Variants in TMPRSS15 observed in about 807,000 individuals in gnomAD.
TMPRSS15 encodes enteropeptidase.
In TMPRSS15, 128 loss-of-function variants were observed where a neutral mutation model predicts 125.3. That is an observed-to-expected ratio of 1.02 (90% CI 0.89 to 1.18). The LOEUF is 1.18. Among genes scored for constraint, TMPRSS15 ranks in the 50% most tolerant of loss-of-function variants. TMPRSS15 has a pLI of 0.00. For missense variants in TMPRSS15, 1,283 were observed against 1,212.7 expected (o/e 1.06, Z -0.86); for synonymous variants, 446 against 423.2 (o/e 1.05, Z -0.66).
At chr21:18,465,206 A>T (rs1369392838) in intron 1 of TMPRSS15, among the ~76,000 whole-genome samples, 4 of 151,392 alleles carry the variant, frequency 2.6e-5, no homozygotes, top group African/African-American at 9.8e-5. Context: ...AATAAAATTC[A>T]ACACCCCTTC....
chr21:18,363,721 T>A (rs2075699129), intron 7 of TMPRSS15, among the ~76,000 whole-genome samples: 1 of 152,120 alleles, frequency 6.6e-6, no homozygotes, highest in African/African-American at 2.4e-5. Context: ...ATTATGTGTG[T>A]GTGTGTGTTT....
In TMPRSS15 at chr21:18,365,125, A is replaced by G. The variant is rs1426221711; in HGVS notation, c.773+15T>C. ...TTTATGACTTAAGAACAGAAAATATAAGATCTTGTATTACCGTATGATCCA... is the reference window on the plus strand; with the variant it reads ...TTTATGACTTAAGAACAGAAAATATGAGATCTTGTATTACCGTATGATCCA... On this transcript the variant is annotated intron_variant, in intron 7 of 24. Transcript: ENST00000284885. 6.3e-7 allele frequency: 1 copy of G among 1,598,918 alleles called. No individual in the cohort carries two copies. The highest frequency in any genetic ancestry group is 1.7e-5 in the Admixed American group (1 of 60,012).
At chr21:18,383,846 G>A (rs1265220977) in intron 3 of TMPRSS15, 68 bp from the exon 4 acceptor site, 2 of 1,541,262 alleles carry the variant, frequency 1.3e-6, no homozygotes, top group Non-Finnish European at 1.8e-6. Context: ...TTCAATTCAT[G>A]TTAAATGTCT....
chr21:18,424,067 A>G (rs2076197786), intron 1 of TMPRSS15, among the ~76,000 whole-genome samples: 1 of 152,232 alleles, frequency 6.6e-6, no homozygotes, highest in East Asian at 1.9e-4. Flanking sequence ...TAACTGAAAG[A>G]GAATGCTTTC....
At chr21:18,422,762 A>G (rs1307984689) in intron 1 of TMPRSS15, among the ~76,000 whole-genome samples, 1 of 152,202 alleles carries the variant, frequency 6.6e-6, no homozygotes, top group Admixed American at 6.5e-5. Flanking sequence ...ATAGTTTTGC[A>G]TGTGTCAATT....
chr21:18,273,086 C>T (rs1601246964), intron 24 of TMPRSS15, among the ~76,000 whole-genome samples: 1 of 152,034 alleles, frequency 6.6e-6, no homozygotes, highest in African/African-American at 2.4e-5. Context: ...CTGGAGGCCA[C>T]GCATTGAAAG....
At chr21:18,409,496 C>A (rs1482419673) in intron 1 of TMPRSS15, among the ~76,000 whole-genome samples, 1 of 151,924 alleles carries the variant, frequency 6.6e-6, no homozygotes. Context: ...TTATCTATAT[C>A]TCTACTTTTC....
At chr21:18,336,789 G>A (rs2075396985) in intron 13 of TMPRSS15, among the ~76,000 whole-genome samples, 1 of 152,176 alleles carries the variant, frequency 6.6e-6, no homozygotes, top group Admixed American at 6.5e-5. Context: ...TCCTGCCTCA[G>A]GCTTCCGAGT....
intron 1 of TMPRSS15, among the ~76,000 whole-genome samples, chr21:18,451,095 C>T (rs556964347): frequency 5.3e-5 from 8 of 152,082 alleles, no homozygotes; most frequent in Admixed American, 2.0e-4. Flanking sequence ...ACACTGAATC[C>T]TCCTTTTTTA....
chr21:18,431,659 ATAAT>A (rs1227634566), intron 1 of TMPRSS15, among the ~76,000 whole-genome samples: 3 of 152,182 alleles, frequency 2.0e-5, no homozygotes, highest in Non-Finnish European at 4.4e-5. Flanking sequence ...TAAAGCAATT[ATAAT>A]TAAATAACTT....
At chr21:18,409,903 TTCCC>T (rs1163794245) in intron 1 of TMPRSS15, among the ~76,000 whole-genome samples, 19 of 113,432 alleles carry the variant, frequency 1.7e-4, no homozygotes, top group African/African-American at 2.7e-4. Context: ...TCCTTCCTTC[TTCCC>T]TCCCTCCCTC....
chr21:18,469,972 T>A (rs1978742912), intron 1 of TMPRSS15, among the ~76,000 whole-genome samples: 1 of 152,112 alleles, frequency 6.6e-6, no homozygotes, highest in African/African-American at 2.4e-5. Flanking sequence ...ATTGTTAACC[T>A]TTGGTAAATT....
chr21:18,285,782 T>A, intron 21 of TMPRSS15, among the ~76,000 whole-genome samples: 1 of 151,836 alleles, frequency 6.6e-6, no homozygotes, highest in East Asian at 1.9e-4. Flanking sequence ...AAGAAAAGAG[T>A]TGTTTATGAA....
At chr21:18,299,589 T>A (rs1401201907) in intron 18 of TMPRSS15, among the ~76,000 whole-genome samples, 1 of 151,884 alleles carries the variant, frequency 6.6e-6, no homozygotes, top group Non-Finnish European at 1.5e-5. Context: ...GTTGGGAGAG[T>A]CATTCTCCAG....
chr21:18,464,901 C>T (rs1405738042), intron 1 of TMPRSS15, among the ~76,000 whole-genome samples: 3 of 152,196 alleles, frequency 2.0e-5, no homozygotes, highest in East Asian at 1.9e-4. Flanking sequence ...TCCTCCCTAA[C>T]TCATTTCTTG....
intron 24 of TMPRSS15, among the ~76,000 whole-genome samples, chr21:18,272,575 A>ATT (rs2074571137): frequency 1.3e-5 from 2 of 152,020 alleles, no homozygotes; most frequent in Non-Finnish European, 2.9e-5. Context: ...AATACAAAAA[A>ATT]TTAGCCAGGT....
At chr21:18,369,262 T>C (rs1417757464) in intron 6 of TMPRSS15, among the ~76,000 whole-genome samples, 2 of 152,208 alleles carry the variant, frequency 1.3e-5, no homozygotes, top group East Asian at 1.9e-4. Context: ...TCTTTGCTCA[T>C]GGCATTCAAA....
intron 21 of TMPRSS15, among the ~76,000 whole-genome samples, chr21:18,289,946 T>C (rs940530224): frequency 2.6e-5 from 4 of 152,208 alleles, no homozygotes; most frequent in African/African-American, 7.2e-5. Flanking sequence ...ATTTGTATAC[T>C]TAAGTTTATG....
chr21:18,385,976 C>T (rs1406242692), intron 3 of TMPRSS15, among the ~76,000 whole-genome samples: 1 of 152,100 alleles, frequency 6.6e-6, no homozygotes, highest in East Asian at 1.9e-4. Flanking sequence ...ATCTCCTGAC[C>T]TCATGATCCT....
Sources: gnomAD v4.1 joint callset for allele counts (sites outside exome capture counted in the v4.1 genomes callset) on GRCh38, gnomAD v4.1.1 for gene constraint, MANE v1.5 for transcripts, NCBI Gene and HGNC (gene_info 2026-07-23, HGNC 2026-07-21) for gene names.